Variants in KANSL1 observed in about 807,000 individuals in gnomAD.
The protein encoded by KANSL1 is KAT8 regulatory NSL complex subunit 1, also known as MLL1/MLL complex subunit KANSL1.
KANSL1 carries 22 observed loss-of-function variants against 103.6 expected under a neutral mutation model. That is an observed-to-expected ratio of 0.21 (90% CI 0.15 to 0.30). The LOEUF is 0.30. Among genes scored for constraint, KANSL1 ranks in the 10% least tolerant of loss-of-function variants. The pLI, the probability that KANSL1 is intolerant of heterozygous loss-of-function variation, is 1.00. For synonymous variants in KANSL1, 600 were observed against 527.6 expected (o/e 1.14, Z -1.88); for missense variants, 1,337 against 1,399.8 (o/e 0.96, Z 0.72).
chr17:46,031,974 T>C, intron 14 of KANSL1, 73 bp downstream of exon 14: 1 of 1,604,998 alleles, frequency 6.2e-7, no homozygotes, highest in South Asian at 1.1e-5. Flanking sequence ...TAGGTCCCTC[T>C]TCAGCAGATG....
chr17:46,112,974 GC>G (rs984104490), intron 2 of KANSL1, among the ~76,000 whole-genome samples: 2 of 152,170 alleles, frequency 1.3e-5, no homozygotes, highest in Admixed American at 1.3e-4. Flanking sequence ...GCCCACCTTG[GC>G]CTCCCAAAGT....
intron 1 of KANSL1, among the ~76,000 whole-genome samples, chr17:46,189,138 C>A (rs2047185226): frequency 6.6e-6 from 1 of 151,298 alleles, no homozygotes; most frequent in African/African-American, 2.4e-5. Context: ...ACTTGAGCCC[C>A]GGAGTTCAGG....
At chr17:46,038,940 T>C (rs1167103473) in intron 9 of KANSL1, 87 bp downstream of exon 9, 1 of 1,482,212 alleles carries the variant, frequency 6.7e-7, no homozygotes, top group East Asian at 2.3e-5. Context: ...AGGACAAAGC[T>C]GGGGGTAATT....
At position 46,039,813 on chromosome 17, in the gene KANSL1, T is replaced by C; in HGVS notation, c.2092A>G (p.Lys698Glu). The change falls in exon 8 of 15, where the codon AAA becomes GAA. Residue 698 changes from lysine (K) to glutamate (E), a missense_variant. Physicochemically the swap from Lys to Glu is moderately conservative, Grantham distance 56. Transcript: ENST00000432791. Reference sequence around the variant, plus strand: ...TTAAGCGATAACTTTTTGGGAGGTTTGATTTTGTCAAAAGGCTTGTTCTGC... The same window carrying C: ...TTAAGCGATAACTTTTTGGGAGGTTCGATTTTGTCAAAAGGCTTGTTCTGC... ...QWQNKPFDKI[K>E]PPKKLSLKHR... is the part of the protein sequence containing the mutation. 6.2e-7 allele frequency: 1 copy of C among 1,614,222 alleles called. No individual in the cohort carries two copies. The highest frequency in any genetic ancestry group is 2.2e-5 in the East Asian group (1 of 44,886).
chr17:46,082,598 A>T, intron 3 of KANSL1, 56 bp from the exon 4 acceptor site: 1 of 1,003,788 alleles, frequency 1.0e-6, no homozygotes, highest in Admixed American at 2.1e-5. Context: ...CTTCAAATTT[A>T]ATTTAGGAGT....
chr17:46,202,822 T>A (rs2732675), intron 1 of KANSL1, among the ~76,000 whole-genome samples: 21,962 of 152,260 alleles, frequency 0.14, 2,136 homozygotes, highest in Non-Finnish European at 0.22. Flanking sequence ...AAATTCTCAC[T>A]ATCACATTTA....
intron 4 of KANSL1, 60 bp downstream of exon 4, chr17:46,082,379 GGT>G (rs1397836564): frequency 9.9e-7 from 1 of 1,010,402 alleles, no homozygotes; most frequent in Non-Finnish European, 1.5e-6. Flanking sequence ...GAGAAAAAAC[GGT>G]GTGCCAAGAC....
intron 7 of KANSL1, among the ~76,000 whole-genome samples, chr17:46,047,526 C>T (rs1044245418): frequency 2.6e-5 from 4 of 152,156 alleles, no homozygotes; most frequent in African/African-American, 9.7e-5. Context: ...GTGGTTTACA[C>T]CTGTAATCCC....
At chr17:46,039,444 T>G (rs184512723) in intron 8 of KANSL1, 1 of 602,002 alleles carries the variant, frequency 1.7e-6, no homozygotes, top group Admixed American at 3.3e-5. Flanking sequence ...TGCCCGTAGA[T>G]GAACTCAATG....
intron 10 of KANSL1, chr17:46,034,507 A>G: frequency 2.1e-6 from 1 of 468,082 alleles, no homozygotes; most frequent in Non-Finnish European, 3.8e-6. Context: ...TCCCATTCAT[A>G]AGTCCCACTG....
chr17:46,109,322 G>A (rs56219596), intron 2 of KANSL1, among the ~76,000 whole-genome samples: 5 of 152,218 alleles, frequency 3.3e-5, no homozygotes, highest in South Asian at 2.1e-4. Context: ...AAACGTTTCC[G>A]CTTTTACACA....
At chr17:46,115,304 C>A (rs1001897632) in intron 2 of KANSL1, among the ~76,000 whole-genome samples, 6 of 152,192 alleles carry the variant, frequency 3.9e-5, no homozygotes, top group Non-Finnish European at 8.8e-5. Flanking sequence ...AGGTGATCCA[C>A]CCATCTCAGC....
Position 46,039,903 on chromosome 17 carries a change from G to A in KANSL1, c.2021-19C>T. On this transcript the variant is annotated intron_variant, in intron 7 of 14. Coordinates refer to ENST00000432791, the MANE Select transcript of KANSL1 (RefSeq NM_015443.4). ...GGAACATCTGCAAGAAACATAAAAT[G>A]CTACAGGTTAGTCCAAACACCTGGC... 6.2e-7 allele frequency: 1 copy of A among 1,613,176 alleles called. No individual in the cohort carries two copies. The highest frequency in any genetic ancestry group is 8.5e-7 in the Non-Finnish European group (1 of 1,179,232).
intron 3 of KANSL1, among the ~76,000 whole-genome samples, chr17:46,092,652 G>C (rs17576631): frequency 0.15 from 21,117 of 139,542 alleles, 2,077 homozygotes; most frequent in Middle Eastern, 0.25. Context: ...TTATGTGCTA[G>C]GAAAATGTAC....
chr17:46,098,180 A>G (rs2042162071), intron 2 of KANSL1, among the ~76,000 whole-genome samples: 1 of 150,092 alleles, frequency 6.7e-6, no homozygotes, highest in African/African-American at 2.5e-5. Flanking sequence ...CCCTACCCAC[A>G]AAGAGACAAA....
upstream of KANSL1, among the ~76,000 whole-genome samples, chr17:46,197,616 C>G (rs2147964509): frequency 6.6e-6 from 1 of 152,370 alleles, no homozygotes; most frequent in Non-Finnish European, 1.5e-5. Context: ...GCACTCCAGC[C>G]TACGCGACAG....
intron 1 of KANSL1, among the ~76,000 whole-genome samples, chr17:46,188,234 GATATTTGTCTTTTCTA>G (rs1198690563): frequency 4.6e-5 from 7 of 152,200 alleles, no homozygotes; most frequent in African/African-American, 1.7e-4. Flanking sequence ...TAGTACAGTG[GATATTTGTCTTTTCTA>G]ATTCATACTG....
chr17:46,082,353 A>C, intron 4 of KANSL1, 88 bp downstream of exon 4: 2 of 751,380 alleles, frequency 2.7e-6, no homozygotes, highest in Non-Finnish European at 4.6e-6. Flanking sequence ...CAGCCAATGC[A>C]AGGATCCTAG....
At chr17:46,069,098 G>C (rs183130741) in intron 4 of KANSL1, among the ~76,000 whole-genome samples, 165 of 152,162 alleles carry the variant, frequency 1.1e-3, no homozygotes, top group Admixed American at 2.2e-3. Flanking sequence ...TGTAATTTTT[G>C]TATTTTTAGT....
Sources: allele counts gnomAD v4.1 joint callset (sites outside exome capture counted in the v4.1 genomes callset), GRCh38; gene constraint gnomAD v4.1.1; transcripts MANE v1.5; gene names NCBI Gene and HGNC (gene_info 2026-07-23, HGNC 2026-07-21).